TRHDE: variants seen among roughly 807,000 people sequenced by gnomAD.
TRHDE encodes thyrotropin releasing hormone degrading enzyme.
Under a neutral mutation model 125.7 loss-of-function variants are expected in TRHDE, and 72 were observed. That is an observed-to-expected ratio of 0.57 (90% CI 0.47 to 0.70). The LOEUF (loss-of-function observed/expected upper bound fraction) is 0.70. Among genes scored for constraint, TRHDE ranks in the 30% least tolerant of loss-of-function variants. TRHDE has a pLI of 0.00. For missense variants in TRHDE, 1,110 were observed against 1,327.1 expected (o/e 0.84, Z 2.54); for synonymous variants, 509 against 509.1 (o/e 1.00, Z 0.00).
chr12:72,095,575 C>T (rs867409323), intron 1 of TRHDE, among the ~76,000 whole-genome samples: 3 of 152,128 alleles, frequency 2.0e-5, no homozygotes, highest in Non-Finnish European at 4.4e-5. Flanking sequence ...GAACTCAGGT[C>T]CCCTCACTTT....
At chr12:72,514,636 T>C (rs2135952736) in intron 6 of TRHDE, among the ~76,000 whole-genome samples, 1 of 152,122 alleles carries the variant, frequency 6.6e-6, no homozygotes, top group East Asian at 1.9e-4. Context: ...TCTTTTTTTT[T>C]TTAATTTATT....
At chr12:72,420,284 G>A (rs1330034458) in intron 3 of TRHDE, among the ~76,000 whole-genome samples, 1 of 152,114 alleles carries the variant, frequency 6.6e-6, no homozygotes, top group Non-Finnish European at 1.5e-5. Context: ...CTTTGGCCTT[G>A]TTTTGTTTCA....
At chr12:72,253,789 G>A (rs1878742822) in intron 2 of TRHDE, 1 of 151,984 alleles carries the variant, frequency 6.6e-6, no homozygotes, top group African/African-American at 2.4e-5. Context: ...TGCATTAATT[G>A]ATATAATCAT....
intron 6 of TRHDE, among the ~76,000 whole-genome samples, chr12:72,510,658 G>T (rs1242094757): frequency 6.6e-6 from 1 of 151,370 alleles, no homozygotes; most frequent in Non-Finnish European, 1.5e-5. Context: ...TTCCATGAAT[G>T]AAAAAAAATG....
chr12:72,273,591 C>G lies in TRHDE; in HGVS notation c.914+34C>G. On this transcript the variant is annotated intron_variant, in intron 1 of 18. Coordinates refer to ENST00000261180, the MANE Select transcript of TRHDE (RefSeq NM_013381.3). The surrounding 1 kb of genome is among the most constrained non-coding windows in gnomAD (Gnocchi z 5.3). ...GGAGGCGGTGCCCCGCGCTGCCCCA[C>G]CCCGGCGCGCGGCTCGAACCTCTGG... is the stretch of plus-strand genomic sequence containing the variant. The G allele has an allele frequency of 6.5e-7, 1 of 1,540,610 alleles. No homozygotes were observed. Among genetic ancestry groups the G allele is most frequent in the African/African-American group, 1.4e-5 (1 of 73,660 alleles).
intron 2 of TRHDE, among the ~76,000 whole-genome samples, chr12:72,185,282 C>T (rs986111036): frequency 1.3e-5 from 2 of 152,226 alleles, no homozygotes; most frequent in Non-Finnish European, 2.9e-5. Flanking sequence ...TGGCTTCCCG[C>T]GGGGCAGGGC....
chr12:72,412,227 A>T (rs921201522), intron 3 of TRHDE, among the ~76,000 whole-genome samples: 1 of 152,134 alleles, frequency 6.6e-6, no homozygotes, highest in Admixed American at 6.6e-5. Flanking sequence ...AAATCAGCCA[A>T]ACAGAAAGAC....
intron 3 of TRHDE, among the ~76,000 whole-genome samples, chr12:72,452,997 C>T (rs1875656273): frequency 6.6e-6 from 1 of 152,174 alleles, no homozygotes; most frequent in Non-Finnish European, 1.5e-5. Flanking sequence ...AACAGCCTAA[C>T]ACAGATCATT....
At chr12:72,208,971 C>A (rs1565663067) in intron 2 of TRHDE, among the ~76,000 whole-genome samples, 1 of 152,164 alleles carries the variant, frequency 6.6e-6, no homozygotes, top group Non-Finnish European at 1.5e-5. Flanking sequence ...GGCTCCTATG[C>A]CATAGATAAT....
chr12:72,510,355 G>T (rs1160714791), intron 6 of TRHDE, among the ~76,000 whole-genome samples: 1 of 152,110 alleles, frequency 6.6e-6, no homozygotes, highest in Non-Finnish European at 1.5e-5. Context: ...AAAATGGTTG[G>T]ACAATAGGCT....
Position 72,650,457 on chromosome 12 carries a change from G to A in TRHDE, c.2676-1865G>A, listed in dbSNP as rs1874460563. Among the ~76,000 whole-genome samples, 5 of 151,976 alleles carry A rather than the reference G, an allele frequency of 3.3e-5. No homozygotes were observed. In the South Asian group the frequency reaches 1.0e-3, roughly 31 times the overall value. ...CAGGCAACATAGTTTAGTATATTCT[G>A]TTACTTTTTTTTCTATATTTCTACA... On this transcript the variant is annotated intron_variant, in intron 15 of 18. Coordinates refer to ENST00000261180, the MANE Select transcript of TRHDE (RefSeq NM_013381.3).
At chr12:72,274,334 C>T (rs1879397964) in intron 1 of TRHDE, among the ~76,000 whole-genome samples, 2 of 152,170 alleles carry the variant, frequency 1.3e-5, no homozygotes, top group Admixed American at 6.5e-5. Flanking sequence ...GTCTCAAATG[C>T]CTTGTTAGTG....
chr12:72,608,498 T>C (rs866147947), intron 12 of TRHDE, among the ~76,000 whole-genome samples: 11 of 152,290 alleles, frequency 7.2e-5, no homozygotes, highest in African/African-American at 2.6e-4. Context: ...ACAGCCTCTG[T>C]AGGCCAGAGT....
intron 2 of TRHDE, among the ~76,000 whole-genome samples, chr12:72,182,165 T>C (rs1165265140): frequency 6.6e-6 from 1 of 152,180 alleles, no homozygotes; most frequent in African/African-American, 2.4e-5. Flanking sequence ...TCTACCCAAC[T>C]TACCTTCTTT....
intron 1 of TRHDE, among the ~76,000 whole-genome samples, chr12:72,096,134 T>TAC (rs144560604): frequency 0.072 from 10,492 of 145,042 alleles, 428 homozygotes; most frequent in African/African-American, 0.11. Flanking sequence ...CTTATGTGTA[T>TAC]ACACACACAC....
Position 72,344,867 on chromosome 12 carries a change from G to A in TRHDE, c.1189-33128G>A, listed in dbSNP as rs533379559. On this transcript the variant is annotated intron_variant, in intron 2 of 18. Coordinates refer to ENST00000261180, the MANE Select transcript of TRHDE (RefSeq NM_013381.3). ...CTGGCTGCACATCTGTCCCCTAGGG[G>A]CACACACTACAGGTAGCATGGTCCA... 3.3e-5 allele frequency among the ~76,000 whole-genome samples: 5 copies of A among 152,092 alleles called. No individual in the cohort carries two copies. The South Asian group carries it at 1.0e-3, about 32-fold the overall frequency.
chr12:72,411,959 A>G (rs1268662205), intron 3 of TRHDE, among the ~76,000 whole-genome samples: 1 of 152,174 alleles, frequency 6.6e-6, no homozygotes, highest in Non-Finnish European at 1.5e-5. Flanking sequence ...CCTATCTCAC[A>G]CCATATAAAA....
At chr12:72,351,737 G>C (rs77333581) in intron 2 of TRHDE, among the ~76,000 whole-genome samples, 19 of 151,928 alleles carry the variant, frequency 1.3e-4, no homozygotes, top group African/African-American at 4.6e-4. Flanking sequence ...CTTTCCTAAA[G>C]CCCATCAATA....
At position 72,542,338 on chromosome 12, in the gene TRHDE, T is replaced by C. The variant is rs1375083378; in HGVS notation, c.1770T>C (p.Val590=). The change falls in exon 7 of 19, where the codon GTT becomes GTC. Residue 590 remains valine, a synonymous_variant. Coordinates refer to ENST00000261180, the MANE Select transcript of TRHDE (RefSeq NM_013381.3). ...RMLANFMGHS[V]FQRGLQDYLT... ...TGGCTAATTTTATGGGCCATTCAGTTTTCCAGAGGGGTTTGCAAGTAAGTA... is the reference window on the plus strand; with the variant it reads ...TGGCTAATTTTATGGGCCATTCAGTCTTCCAGAGGGGTTTGCAAGTAAGTA... 2.5e-6 allele frequency: 4 copies of C among 1,605,162 alleles called. No individual in the cohort carries two copies. Among genetic ancestry groups the C allele is most frequent in the Non-Finnish European group, 3.4e-6 (4 of 1,174,434 alleles).
Sources: gnomAD v4.1 joint callset for allele counts (sites outside exome capture counted in the v4.1 genomes callset) on GRCh38, gnomAD v4.1.1 for gene constraint, Gnocchi (gnomAD v3.1) non-coding constraint, MANE v1.5 for transcripts, NCBI Gene and HGNC (gene_info 2026-07-23, HGNC 2026-07-21) for gene names.